Variants in ZFAND3 observed in about 807,000 individuals in gnomAD.
The protein encoded by ZFAND3 is zinc finger AN1-type containing 3.
ZFAND3 carries 10 observed loss-of-function variants against 29.6 expected under a neutral mutation model. The ratio of observed to expected loss-of-function variants is 0.34; its 90% confidence interval spans 0.21 to 0.57. The LOEUF (loss-of-function observed/expected upper bound fraction) is 0.57. Among genes scored for constraint, ZFAND3 ranks in the 20% least tolerant of loss-of-function variants. The probability of loss-of-function intolerance (pLI) is 0.86; values close to 1 mark genes in which losing one functional copy is unlikely to be tolerated. For synonymous variants in ZFAND3, 128 were observed against 112.6 expected, an observed-to-expected ratio of 1.14 and a Z score of -0.87; for missense variants, 230 against 304.5, an observed-to-expected ratio of 0.76 and a Z score of 1.82.
At chr6:37,842,694 T>A (rs1764100457) in intron 1 of ZFAND3, among the ~76,000 whole-genome samples, 1 of 152,244 alleles carries the variant, frequency 6.6e-6, no homozygotes, top group Non-Finnish European at 1.5e-5. Context: ...GATAACTTTA[T>A]ATTCCATCCT....
intron 3 of ZFAND3, among the ~76,000 whole-genome samples, chr6:38,065,496 A>G (rs1764329277): frequency 1.3e-5 from 2 of 152,236 alleles, no homozygotes; most frequent in African/African-American, 4.8e-5. Flanking sequence ...GTTAGCTCAC[A>G]TTTATGAAAC....
At chr6:37,844,981 G>C (rs759997034) in intron 1 of ZFAND3, among the ~76,000 whole-genome samples, 2 of 149,278 alleles carry the variant, frequency 1.3e-5, no homozygotes, top group Non-Finnish European at 3.0e-5. Flanking sequence ...CCGAGATCAC[G>C]CTACTGCACT....
At chr6:37,941,634 G>C (rs1217173878) in intron 2 of ZFAND3, among the ~76,000 whole-genome samples, 1 of 152,130 alleles carries the variant, frequency 6.6e-6, no homozygotes, top group Non-Finnish European at 1.5e-5. Flanking sequence ...CCTGTGTTTA[G>C]CTTCTCAGAA....
intron 5 of ZFAND3, among the ~76,000 whole-genome samples, chr6:38,135,771 A>G (rs1360506133): frequency 1.3e-5 from 2 of 151,220 alleles, no homozygotes; most frequent in East Asian, 3.9e-4. Context: ...AACAAAAAAA[A>G]CACGTTTCCG....
At chr6:37,949,776 A>T (rs1311253841) in intron 2 of ZFAND3, among the ~76,000 whole-genome samples, 1 of 152,170 alleles carries the variant, frequency 6.6e-6, no homozygotes, top group East Asian at 1.9e-4. Context: ...GGAGCTTCTG[A>T]CCCTGTGGAG....
intron 5 of ZFAND3, among the ~76,000 whole-genome samples, chr6:38,147,327 T>A (rs1766131100): frequency 6.6e-6 from 1 of 152,242 alleles, no homozygotes. Flanking sequence ...ATGATTTCAT[T>A]CTTTTTGACT....
chr6:37,892,637 G>C (rs1375846059), intron 1 of ZFAND3, among the ~76,000 whole-genome samples: 1 of 151,994 alleles, frequency 6.6e-6, no homozygotes, highest in South Asian at 2.1e-4. Flanking sequence ...ATAGAGAATA[G>C]AAAAATAACA....
At chr6:37,875,675 T>C (rs1467048596) in intron 1 of ZFAND3, among the ~76,000 whole-genome samples, 1 of 151,872 alleles carries the variant, frequency 6.6e-6, no homozygotes, top group East Asian at 1.9e-4. Context: ...CTCATTGTGT[T>C]GTCAGGCTGG....
intron 1 of ZFAND3, among the ~76,000 whole-genome samples, chr6:37,896,509 C>CTTTCT (rs1291316763): frequency 2.7e-4 from 30 of 111,120 alleles, no homozygotes; most frequent in African/African-American, 7.9e-4. Context: ...TTTTTTTCCT[C>CTTTCT]TTTCTTTTCT....
intron 1 of ZFAND3, among the ~76,000 whole-genome samples, chr6:37,916,427 A>G (rs1761255655): frequency 1.3e-5 from 2 of 152,222 alleles, no homozygotes; most frequent in South Asian, 4.1e-4. Context: ...TGAGAGGCCA[A>G]GGCAGGCAGA....
chr6:38,065,146 G>A lies in ZFAND3; in HGVS notation c.295+3371G>A, dbSNP rs76885651. On this transcript the variant is annotated intron_variant, in intron 3 of 5. Transcript: ENST00000287218. ...ATCCTGGCCAACCTGGTGAAACCCC[G>A]TCTCTACAAAAATACAAAAATTAGC... 0.018 allele frequency among the ~76,000 whole-genome samples: 2,735 copies of A among 152,034 alleles called. 256 individuals are homozygous for A. The East Asian group carries it at 0.28, about 16-fold the overall frequency.
intron 2 of ZFAND3, among the ~76,000 whole-genome samples, chr6:38,002,454 G>A (rs1002486559): frequency 1.3e-5 from 2 of 151,942 alleles, no homozygotes; most frequent in East Asian, 3.9e-4. Context: ...TGAGGCGGGC[G>A]GATTGCTTGA....
chr6:38,014,336 T>A (rs2645094), intron 2 of ZFAND3, among the ~76,000 whole-genome samples: 40,625 of 146,936 alleles, frequency 0.28, 6,588 homozygotes, highest in African/African-American at 0.45. Context: ...TATTATTTTT[T>A]TTTTTTTGAG....
chr6:37,877,713 G>A (rs569631297), intron 1 of ZFAND3, among the ~76,000 whole-genome samples: 2 of 152,240 alleles, frequency 1.3e-5, no homozygotes, highest in African/African-American at 2.4e-5. Context: ...AACCCAGGGA[G>A]GCTCACAACA....
chr6:38,122,940 T>C (rs1213319940), intron 5 of ZFAND3, among the ~76,000 whole-genome samples: 1 of 152,220 alleles, frequency 6.6e-6, no homozygotes, highest in Non-Finnish European at 1.5e-5. Flanking sequence ...ATGAACTCTG[T>C]TCAGCTGGAT....
intron 5 of ZFAND3, among the ~76,000 whole-genome samples, chr6:38,143,406 G>T (rs570966354): frequency 6.6e-6 from 1 of 152,364 alleles, no homozygotes; most frequent in South Asian, 2.1e-4. Context: ...GCCAAGGGAG[G>T]GCTCTCAATC....
At chr6:37,929,067 A>T (rs751176626) in intron 1 of ZFAND3, among the ~76,000 whole-genome samples, 1 of 152,208 alleles carries the variant, frequency 6.6e-6, no homozygotes, top group Non-Finnish European at 1.5e-5. Context: ...AGGAAGGGGT[A>T]ACATAGTGTT....
intron 2 of ZFAND3, among the ~76,000 whole-genome samples, chr6:37,934,612 G>A (rs772700613): frequency 7.3e-5 from 11 of 151,228 alleles, no homozygotes; most frequent in Non-Finnish European, 1.5e-4. Flanking sequence ...GTGGGTGGAT[G>A]GATCATTTGA....
rs1562015792 is a variant in ZFAND3, at chr6:38,144,194, TATATATATATATATATAATATATAA to T, written c.530-8040_530-8016del. On this transcript the variant is annotated intron_variant, in intron 5 of 5. Transcript: ENST00000287218. ...GTGATATATATATATAATATATATA[TATATATATATATATATAATATATAA>T]TATATATATATATTTTTTTTTTAAT... 2.0e-3 allele frequency among the ~76,000 whole-genome samples: 64 copies of T among 32,266 alleles called. 3 individuals carry two copies. Among genetic ancestry groups the T allele is most frequent in the African/African-American group, 8.2e-3 (60 of 7,278 alleles). The allele number at this position is 32,266 out of a possible 152,430, so 21.2% of individuals were successfully genotyped here.
Sources: gnomAD v4.1 joint callset for allele counts (sites outside exome capture counted in the v4.1 genomes callset) on GRCh38, gnomAD v4.1.1 for gene constraint, MANE v1.5 for transcripts, NCBI Gene and HGNC (gene_info 2026-07-23, HGNC 2026-07-21) for gene names.